The following SOX6 variants were observed in gnomAD, a reference collection of about 807,000 sequenced individuals.
The protein encoded by SOX6 is SRY-box transcription factor 6.
A neutral mutation model predicts 97.8 loss-of-function variants in SOX6; 11 were observed. The observed-to-expected ratio is 0.11, with a 90% CI of 0.07 to 0.19. SOX6 has a LOEUF of 0.19. Ranked by LOEUF, SOX6 falls within the 10% of genes least tolerant of loss-of-function variation. The pLI, the probability that SOX6 is intolerant of heterozygous loss-of-function variation, is 1.00. For synonymous variants in SOX6, 360 were observed against 371.4 expected (o/e 0.97, Z 0.35); for missense variants, 810 against 1,039.5 (o/e 0.78, Z 3.04).
intron 3 of SOX6, among the ~76,000 whole-genome samples, chr11:16,679,682 C>T (rs1032841730): frequency 5.3e-5 from 8 of 152,094 alleles, no homozygotes; most frequent in Non-Finnish European, 7.4e-5. Context: ...GCTTAAGGAG[C>T]GTGTTCTAAC....
Position 16,702,844 on chromosome 11 carries a change from A to G in SOX6, n.429+11986T>C, listed in dbSNP as rs1274368833. Among the ~76,000 whole-genome samples the G allele has an allele frequency of 2.0e-5, 3 of 151,696 alleles. No individual in the cohort carries two copies. The East Asian group carries it at 5.8e-4, about 29-fold the overall frequency. ...AGGAAAGAAAAATCCTGAATATTGT[A>G]TTTTATATCCCAATTGAAATGGTCT... On this transcript the variant is annotated intron_variant and non_coding_transcript_variant, in intron 3 of 5. Coordinates refer to the SOX6 transcript ENST00000524520.
At position 16,589,836 on chromosome 11, in the gene SOX6, CAAT is replaced by C. The variant is rs1848130576; in HGVS notation, n.609+22242_609+22244del. On this transcript the variant is annotated intron_variant and non_coding_transcript_variant, in intron 4 of 5. Coordinates refer to the SOX6 transcript ENST00000524520. ...ATCTATATTGCTGCAATTTTTCCAA[CAAT>C]GTTTAAAATCATACAATGCTCAATC... is the stretch of plus-strand genomic sequence containing the variant. 3.3e-5 allele frequency among the ~76,000 whole-genome samples: 5 copies of C among 152,180 alleles called. No individual in the cohort carries two copies. In the South Asian group the frequency reaches 8.3e-4, roughly 25 times the overall value.
At chr11:16,676,753 AGTCTTTGTAAATGGGCTTCGTATAT>A (rs1847887439) in intron 3 of SOX6, among the ~76,000 whole-genome samples, 1 of 152,224 alleles carries the variant, frequency 6.6e-6, no homozygotes, top group Non-Finnish European at 1.5e-5. Context: ...AAAACCTCCC[AGTCTTTGTAAATGGGCTTCGTATAT>A]GTTGAGCATG....
chr11:16,187,340 C>T (rs945660459), intron 4 of SOX6, among the ~76,000 whole-genome samples: 1 of 152,096 alleles, frequency 6.6e-6, no homozygotes, highest in African/African-American at 2.4e-5. Context: ...CACCTCTAAG[C>T]TCAGTGACTA....
intron 4 of SOX6, among the ~76,000 whole-genome samples, chr11:16,216,382 C>A (rs1162081249): frequency 6.6e-6 from 1 of 152,162 alleles, no homozygotes; most frequent in Non-Finnish European, 1.5e-5. Context: ...TGCATTCCTT[C>A]TCGAAAAGAA....
chr11:16,107,449 A>G (rs1849124712), intron 7 of SOX6, among the ~76,000 whole-genome samples: 1 of 148,548 alleles, frequency 6.7e-6, no homozygotes, highest in Non-Finnish European at 1.5e-5. Context: ...ACAATTGAAT[A>G]TTATTCAGCA....
At chr11:16,139,163 T>C (rs933163412) in intron 6 of SOX6, among the ~76,000 whole-genome samples, 1 of 152,194 alleles carries the variant, frequency 6.6e-6, no homozygotes, top group Non-Finnish European at 1.5e-5. Flanking sequence ...CTGAGTAATA[T>C]AGTATCTACC....
At chr11:16,326,480 T>C (rs1015597555) in intron 2 of SOX6, among the ~76,000 whole-genome samples, 1 of 151,958 alleles carries the variant, frequency 6.6e-6, no homozygotes, top group Non-Finnish European at 1.5e-5. Context: ...CCAAATCCAA[T>C]GTTTTTTCTA....
intron 3 of SOX6, among the ~76,000 whole-genome samples, chr11:16,284,250 T>G (rs948684517): frequency 4.6e-5 from 7 of 152,118 alleles, no homozygotes; most frequent in Non-Finnish European, 1.0e-4. Context: ...TTTATGTTAT[T>G]TGCTACTGAA....
intron 1 of SOX6, among the ~76,000 whole-genome samples, chr11:16,449,011 G>A (rs886632155): frequency 8.5e-5 from 13 of 152,100 alleles, no homozygotes; most frequent in East Asian, 3.9e-4. Context: ...TTCAGCCCAC[G>A]TGACAGAATG....
At chr11:16,078,385 C>A (rs760378886) in intron 9 of SOX6, among the ~76,000 whole-genome samples, 4 of 152,142 alleles carry the variant, frequency 2.6e-5, no homozygotes, top group African/African-American at 9.7e-5. Flanking sequence ...TTATTTCCCA[C>A]AAACTAAGAG....
At chr11:16,067,020 G>C (rs1244501163) in intron 9 of SOX6, among the ~76,000 whole-genome samples, 2 of 152,132 alleles carry the variant, frequency 1.3e-5, no homozygotes, top group Non-Finnish European at 2.9e-5. Flanking sequence ...CTCCCATTTG[G>C]AATGGGTGAA....
chr11:15,994,155 C>A (rs141630453), intron 13 of SOX6, among the ~76,000 whole-genome samples: 9 of 152,184 alleles, frequency 5.9e-5, no homozygotes, highest in Non-Finnish European at 1.0e-4. Context: ...TTAAAAATTA[C>A]AAACGATGCT....
chr11:16,675,472 T>G (rs1238473565), intron 3 of SOX6, among the ~76,000 whole-genome samples: 1 of 152,246 alleles, frequency 6.6e-6, no homozygotes, highest in Non-Finnish European at 1.5e-5. Flanking sequence ...ATTATTGGTT[T>G]ATGCTATTAT....
At chr11:16,371,511 C>T (rs1467672826) in intron 1 of SOX6, among the ~76,000 whole-genome samples, 1 of 151,792 alleles carries the variant, frequency 6.6e-6, no homozygotes, top group Non-Finnish European at 1.5e-5. Flanking sequence ...TCTACTAGAA[C>T]GTAAGCTCCT....
chr11:16,429,561 C>T (rs997630641), intron 1 of SOX6, among the ~76,000 whole-genome samples: 2 of 152,098 alleles, frequency 1.3e-5, no homozygotes, highest in Non-Finnish European at 1.5e-5. Flanking sequence ...TTATCCTTAG[C>T]AAACTAAAGC....
At chr11:16,252,209 T>C (rs1475288678) in intron 3 of SOX6, among the ~76,000 whole-genome samples, 2 of 152,138 alleles carry the variant, frequency 1.3e-5, no homozygotes, top group African/African-American at 4.8e-5. Flanking sequence ...GTCCAGCATA[T>C]AAGGAACTCA....
intron 3 of SOX6, among the ~76,000 whole-genome samples, chr11:16,663,618 T>C (rs1847783109): frequency 6.6e-6 from 1 of 152,204 alleles, no homozygotes; most frequent in Admixed American, 6.5e-5. Context: ...GCCCAGCCTA[T>C]TTTTAAAAAG....
At chr11:16,204,838 G>A (rs1018064099) in intron 4 of SOX6, among the ~76,000 whole-genome samples, 1 of 151,998 alleles carries the variant, frequency 6.6e-6, no homozygotes, top group African/African-American at 2.4e-5. Flanking sequence ...AAGCCAGAGG[G>A]GAAAGTGACA....
Sources: allele counts gnomAD v4.1 joint callset (sites outside exome capture counted in the v4.1 genomes callset), GRCh38; gene constraint gnomAD v4.1.1; transcripts MANE v1.5; gene names NCBI Gene and HGNC (gene_info 2026-07-23, HGNC 2026-07-21).